The following CCAR1 variants were observed in gnomAD, a reference collection of about 807,000 sequenced individuals.
CCAR1 encodes cell division cycle and apoptosis regulator 1.
In CCAR1, 78 loss-of-function variants were observed where a neutral mutation model predicts 163.8. The observed-to-expected ratio is 0.48, with a 90% CI of 0.40 to 0.57. The LOEUF (loss-of-function observed/expected upper bound fraction) is 0.57, where lower values mean the gene tolerates loss of function less well. Ranked by LOEUF, CCAR1 falls within the 20% of genes least tolerant of loss-of-function variation. The pLI, the probability that CCAR1 is intolerant of heterozygous loss-of-function variation, is 0.00. For synonymous variants in CCAR1, 443 were observed against 460.7 expected, an observed-to-expected ratio of 0.96 and a Z score of 0.49; for missense variants, 1,019 against 1,365.2, an observed-to-expected ratio of 0.75 and a Z score of 4.00.
intron 17 of CCAR1, among the ~76,000 whole-genome samples, chr10:68,767,393 G>T (rs1564545780): frequency 6.6e-6 from 1 of 151,094 alleles, no homozygotes; most frequent in African/African-American, 2.4e-5. Context: ...TCAGCCTCCC[G>T]GGTAGCTGAG....
chr10:68,763,483 T>C (rs2056500171), intron 16 of CCAR1, among the ~76,000 whole-genome samples: 1 of 151,920 alleles, frequency 6.6e-6, no homozygotes, highest in Non-Finnish European at 1.5e-5. Flanking sequence ...AGTCTCTCTC[T>C]GTTGCCCAGG....
chr10:68,786,016 C>T, intron 19 of CCAR1, 120 bp from the exon 20 acceptor site: 2 of 663,214 alleles, frequency 3.0e-6, no homozygotes, highest in South Asian at 3.6e-5. Flanking sequence ...AGTCATAGCT[C>T]ACTACACCCT....
chr10:68,735,158 G>A (rs552442591), intron 2 of CCAR1, among the ~76,000 whole-genome samples: 5 of 152,184 alleles, frequency 3.3e-5, no homozygotes, highest in African/African-American at 1.2e-4. Flanking sequence ...GACCAGCCTG[G>A]GAAACATAAG....
chr10:68,756,586 C>A lies in CCAR1; in HGVS notation c.1836+103C>A. ...TACATAATAAACACACATGGAGGAA[C>A]ATAACTGGTAACAGCGACTGGTAAT... On this transcript the variant is annotated intron_variant, in intron 14 of 24. Transcript: ENST00000265872. The surrounding 1 kb of genome is among the most constrained non-coding windows in gnomAD (Gnocchi z 5.1). 1.1e-6 allele frequency: 1 copy of A among 908,260 alleles called. No individual in the cohort carries two copies. Among genetic ancestry groups the A allele is most frequent in the Non-Finnish European group, 1.8e-6 (1 of 565,100 alleles). 56.3% of individuals were successfully genotyped at this position (908,260 alleles called of 1,614,324 possible).
chr10:68,752,415 A>C (rs1011623302), intron 10 of CCAR1, among the ~76,000 whole-genome samples: 1 of 152,158 alleles, frequency 6.6e-6, no homozygotes, highest in Non-Finnish European at 1.5e-5. Context: ...TTTTATTATA[A>C]ATTTTACTCC....
intron 2 of CCAR1, among the ~76,000 whole-genome samples, chr10:68,726,661 A>C (rs998813162): frequency 2.0e-5 from 3 of 152,066 alleles, no homozygotes; most frequent in African/African-American, 7.2e-5. Flanking sequence ...GCTCCAGTGC[A>C]TCCATCAGAT....
Position 68,757,469 on chromosome 10 carries a change from T to C in CCAR1, c.1920+92T>C, listed in dbSNP as rs192735934. The C allele has an allele frequency of 1.4e-3, 908 of 671,232 alleles. 3 individuals carry two copies. Among genetic ancestry groups the C allele is most frequent in the Non-Finnish European group, 1.7e-3 (648 of 385,556 alleles). The allele number at this position is 671,232 out of a possible 1,614,324, so 41.6% of individuals were successfully genotyped here. A position where few individuals can be genotyped will look rare whatever the true frequency, so the allele number is the denominator to read the frequency against. On this transcript the variant is annotated intron_variant, in intron 15 of 24. Coordinates refer to ENST00000265872, the MANE Select transcript of CCAR1 (RefSeq NM_018237.4). ...TCGCTCTGTCGCCCAGGCTGGAGTG[T>C]AGTGGCGCGATCTCGGCTCACTTCA...
intron 10 of CCAR1, among the ~76,000 whole-genome samples, chr10:68,753,053 A>G (rs1216791093): frequency 8.8e-6 from 1 of 114,022 alleles, no homozygotes; most frequent in Non-Finnish European, 1.9e-5. Flanking sequence ...AAATAAAGAC[A>G]TCTCTGCATG....
intron 17 of CCAR1, among the ~76,000 whole-genome samples, chr10:68,768,947 C>T (rs1486389538): frequency 6.6e-6 from 1 of 152,164 alleles, no homozygotes; most frequent in Admixed American, 6.6e-5. Flanking sequence ...GCAAAGATGA[C>T]ACATTTAAGG....
At position 68,784,271 on chromosome 10, in the gene CCAR1, A is replaced by C. The variant is rs140758823; in HGVS notation, c.2651-1865A>C. On this transcript the variant is annotated intron_variant, in intron 19 of 24. Transcript: ENST00000265872. ...TGCTCTGTCGCCCAGGATGGAGTGCAGTGCCGTGATCTCGGCTCACTGCAA... is the reference window on the plus strand; with the variant it reads ...TGCTCTGTCGCCCAGGATGGAGTGCCGTGCCGTGATCTCGGCTCACTGCAA... 3.1e-3 allele frequency among the ~76,000 whole-genome samples: 467 copies of C among 152,150 alleles called. 2 individuals are homozygous for C. Among genetic ancestry groups the C allele is most frequent in the African/African-American group, 0.011 (449 of 41,518 alleles).
intron 19 of CCAR1, among the ~76,000 whole-genome samples, chr10:68,782,610 CT>C (rs2056749881): frequency 6.6e-6 from 1 of 152,166 alleles, no homozygotes; most frequent in Admixed American, 6.6e-5. Flanking sequence ...GACAAGTTGA[CT>C]TTCTTGTTAG....
At chr10:68,749,386 T>G (rs1411300141) in intron 9 of CCAR1, 121 bp downstream of exon 9, 2 of 1,268,726 alleles carry the variant, frequency 1.6e-6, no homozygotes, top group Admixed American at 5.7e-5. Context: ...TTATGTTATG[T>G]CTATTTTACT....
At chr10:68,785,635 G>A (rs745438347) in intron 19 of CCAR1, among the ~76,000 whole-genome samples, 1 of 152,150 alleles carries the variant, frequency 6.6e-6, no homozygotes, top group Non-Finnish European at 1.5e-5. Context: ...CCCAAGTTGT[G>A]CCTGTATGCA....
chr10:68,743,190 TTTTC>T (rs1179891383), intron 6 of CCAR1, among the ~76,000 whole-genome samples: 3 of 151,290 alleles, frequency 2.0e-5, no homozygotes, highest in Non-Finnish European at 2.9e-5. Context: ...CTTTCTTTCT[TTTTC>T]TTTTTCTTTT....
intron 17 of CCAR1, among the ~76,000 whole-genome samples, chr10:68,770,231 C>T (rs1187035752): frequency 6.6e-6 from 1 of 152,008 alleles, no homozygotes; most frequent in Non-Finnish European, 1.5e-5. Context: ...TTTGGTTGTT[C>T]ATTTTCTTAA....
At chr10:68,769,691 T>C (rs918670199) in intron 17 of CCAR1, among the ~76,000 whole-genome samples, 5 of 151,756 alleles carry the variant, frequency 3.3e-5, no homozygotes, top group Non-Finnish European at 7.4e-5. Flanking sequence ...CCTTTAATCC[T>C]AGCACTTTGA....
At position 68,791,542 on chromosome 10, in the gene CCAR1, C is replaced by A. The variant is rs2056851942; in HGVS notation, c.*276C>A. On this transcript the variant is annotated 3_prime_UTR_variant, in exon 25 of 25. Coordinates refer to ENST00000265872, the MANE Select transcript of CCAR1 (RefSeq NM_018237.4). ...TTATAGTTTTAACTCCAATAAAGTT[C>A]ATCAGTTTAATTGACTGTAGTATTT... 2 of 208,908 alleles carry A rather than the reference C, an allele frequency of 9.6e-6. No homozygotes were observed. The highest frequency in any genetic ancestry group is 1.9e-5 in the Non-Finnish European group (2 of 104,154). The allele number at this position is 208,908 out of a possible 1,614,324, so 12.9% of individuals were successfully genotyped here. A position where few individuals can be genotyped will look rare whatever the true frequency, so the allele number is the denominator to read the frequency against.
At chr10:68,769,502 C>A (rs4746784) in intron 17 of CCAR1, among the ~76,000 whole-genome samples, 1,777 of 152,204 alleles carry the variant, frequency 0.012, 19 homozygotes, top group South Asian at 0.043. Context: ...TACGTGTAAT[C>A]CCAGCTACTC....
intron 21 of CCAR1, among the ~76,000 whole-genome samples, chr10:68,787,441 C>A (rs1057231252): frequency 6.6e-6 from 1 of 152,068 alleles, no homozygotes; most frequent in South Asian, 2.1e-4. Flanking sequence ...AATAAATCAT[C>A]CCTGTGCATA....
Sources: gnomAD v4.1 joint callset for allele counts (sites outside exome capture counted in the v4.1 genomes callset) on GRCh38, gnomAD v4.1.1 for gene constraint, Gnocchi (gnomAD v3.1) non-coding constraint, MANE v1.5 for transcripts, NCBI Gene and HGNC (gene_info 2026-07-23, HGNC 2026-07-21) for gene names.